The following ABCG8 variants were observed in gnomAD, a reference collection of about 807,000 sequenced individuals.
ABCG8 encodes ATP binding cassette subfamily G member 8.
ABCG8 carries 81 observed loss-of-function variants against 71.3 expected under a neutral mutation model. That is an observed-to-expected ratio of 1.14 (90% confidence interval 0.95 to 1.37). The LOEUF (loss-of-function observed/expected upper bound fraction) is 1.37. Among genes scored for constraint, ABCG8 ranks in the 40% most tolerant of loss-of-function variants. The pLI is 0.00. For missense variants in ABCG8, 1,119 were observed against 866.2 expected, an observed-to-expected ratio of 1.29 and a Z score of -3.66; for synonymous variants, 451 against 354.7, an observed-to-expected ratio of 1.27 and a Z score of -3.05.
intron 6 of ABCG8, among the ~76,000 whole-genome samples, chr2:43,860,944 A>G (rs1044917932): frequency 1.3e-5 from 2 of 150,986 alleles, no homozygotes; most frequent in Non-Finnish European, 3.0e-5. Flanking sequence ...AACTCTCACT[A>G]TATATCTGGA....
chr2:43,882,512 A>G lies in ABCG8; in HGVS notation c.*4599A>G, dbSNP rs1670159300. On this transcript the variant is annotated 3_prime_UTR_variant, in exon 13 of 13. Transcript: ENST00000272286. Reference sequence around the variant, plus strand: ...TGTTGGTTGGCCTTTGCTTGTTTGCAAAATATATCCAATGCTCACACCTGA... The same window carrying G: ...TGTTGGTTGGCCTTTGCTTGTTTGCGAAATATATCCAATGCTCACACCTGA... 3 of 152,378 alleles carry G rather than the reference A, an allele frequency of 2.0e-5. No homozygotes were observed. Among genetic ancestry groups the G allele is most frequent in the African/African-American group, 7.2e-5 (3 of 41,588 alleles). 9.4% of individuals were successfully genotyped at this position (152,378 alleles called of 1,614,324 possible). A position where few individuals can be genotyped will look rare whatever the true frequency, so the allele number is the denominator to read the frequency against.
At chr2:43,845,238 T>G (rs1349465110) in intron 2 of ABCG8, among the ~76,000 whole-genome samples, 1 of 151,966 alleles carries the variant, frequency 6.6e-6, no homozygotes, top group East Asian at 1.9e-4. Flanking sequence ...AGGATCCATA[T>G]TCCCACAGCT....
At chr2:43,873,614 C>G (rs1669854062) in intron 8 of ABCG8, among the ~76,000 whole-genome samples, 173 bp from the exon 9 acceptor site, 1 of 152,170 alleles carries the variant, frequency 6.6e-6, no homozygotes, top group Admixed American at 6.5e-5. Context: ...TACTGTGGGA[C>G]AGATGCTGTC....
At position 43,856,873 on chromosome 2, in the gene ABCG8, T is replaced by C. The variant is rs142454479; in HGVS notation, c.964+4005T>C. On this transcript the variant is annotated intron_variant, in intron 6 of 12. Coordinates refer to ENST00000272286, the MANE Select transcript of ABCG8 (RefSeq NM_022437.3). The stretch of plus-strand genomic sequence containing the variant: ...AATTCTCACTCTCTGGATAAAACTC[T>C]CACTATCTGTCTGGTAGAATTCTCA... Among the ~76,000 whole-genome samples the C allele has an allele frequency of 5.6e-3, 849 of 151,658 alleles. 8 individuals are homozygous for C. Among genetic ancestry groups the C allele is most frequent in the African/African-American group, 0.019 (797 of 41,370 alleles).
At chr2:43,857,390 ACTAT>A (rs1185416156) in intron 6 of ABCG8, among the ~76,000 whole-genome samples, 1 of 151,450 alleles carries the variant, frequency 6.6e-6, no homozygotes, top group Non-Finnish European at 1.5e-5. Flanking sequence ...TAGAACTCTC[ACTAT>A]CTATCTGGAT....
At position 43,851,805 on chromosome 2, in the gene ABCG8, GC is replaced by G. The variant is rs387906323; in HGVS notation, c.547del (p.Gln183SerfsTer9). Reference protein sequence around the residue: ...QMRLPRTFSQAQRDKRVEDVI... With the variant: ...QMRLPRTFSQXQRDKRVEDVI... ...GCGGCTGCCCAGAACCTTCTCCCAG[GC>G]CCAGCGTGACAAAAGGGTAACTAAC... is the stretch of plus-strand genomic sequence containing the variant. On this transcript the variant is annotated frameshift_variant, in exon 4 of 13. Transcript: ENST00000272286. LOFTEE classifies it high-confidence loss of function. 1.4e-5 allele frequency: 22 copies of G among 1,614,056 alleles called. No homozygotes were observed. In the Admixed American group the frequency reaches 3.7e-4, roughly 27 times the overall value.
chr2:43,872,447 G>T (rs112886774), intron 8 of ABCG8, 141 bp downstream of exon 8: 2 of 998,628 alleles, frequency 2.0e-6, no homozygotes, highest in African/African-American at 1.6e-5. Context: ...CCAGCAGGGC[G>T]TTGGTGGCTT....
Position 43,877,816 on chromosome 2 carries a change from C to A in ABCG8, c.1925C>A (p.Ala642Asp). Residue 642 changes from alanine (A) to aspartate (D), a missense_variant, in exon 13 of 13, where the codon GCC (alanine) becomes GAC (aspartate). By Grantham distance (126) the Ala-to-Asp change is moderately radical (BLOSUM62 -2). Coordinates refer to ENST00000272286, the MANE Select transcript of ABCG8 (RefSeq NM_022437.3). ...VMELDSYPLY[A>D]IYLIVIGLSG... ...GAGCTGGACTCGTACCCTCTCTACG[C>A]CATCTACCTCATCGTCATTGGCCTC... The A allele has an allele frequency of 6.2e-7, 1 of 1,614,190 alleles. No individual in the cohort carries two copies. The highest frequency in any genetic ancestry group is 8.5e-7 in the Non-Finnish European group (1 of 1,180,042).
chr2:43,839,247 G>A, intron 1 of ABCG8, 131 bp downstream of exon 1: 1 of 1,027,882 alleles, frequency 9.7e-7, no homozygotes, highest in Non-Finnish European at 1.5e-6. Context: ...CATGGCCGCA[G>A]GACTGTTTCC....
In ABCG8 at chr2:43,879,075, G is replaced by T. The variant is rs1670050943; in HGVS notation, c.*1162G>T. 6.6e-6 allele frequency: 1 copy of T among 152,202 alleles called. No homozygotes were observed. The highest frequency in any genetic ancestry group is 1.5e-5 in the Non-Finnish European group (1 of 68,058). The allele number at this position is 152,202 out of a possible 1,614,324, so 9.4% of individuals were successfully genotyped here. A position where few individuals can be genotyped will look rare whatever the true frequency, so the allele number is the denominator to read the frequency against. On this transcript the variant is annotated 3_prime_UTR_variant, in exon 13 of 13. Transcript: ENST00000272286. ...ACCTCTTTTCTTTATAAATTACCCAGTCTTGGGTATTTCTTCATAGCAGTG... is the reference window on the plus strand; with the variant it reads ...ACCTCTTTTCTTTATAAATTACCCATTCTTGGGTATTTCTTCATAGCAGTG...
chr2:43,855,964 C>T (rs778482386), intron 6 of ABCG8, among the ~76,000 whole-genome samples: 1 of 151,342 alleles, frequency 6.6e-6, no homozygotes, highest in Non-Finnish European at 1.5e-5. Flanking sequence ...ATAGAACTCT[C>T]ACTATCTATC....
At chr2:43,853,986 G>A (rs1283335572) in intron 6 of ABCG8, among the ~76,000 whole-genome samples, 2 of 152,156 alleles carry the variant, frequency 1.3e-5, no homozygotes, top group African/African-American at 2.4e-5. Context: ...GCTTCCTGAC[G>A]GTGTGTCATC....
rs751952434 is a variant in ABCG8 at position 43,874,429 on chromosome 2, T to A, written c.1434T>A (p.Leu478=). 6.2e-7 allele frequency: 1 copy of A among 1,613,658 alleles called. No individual in the cohort carries two copies. Among genetic ancestry groups the A allele is most frequent in the East Asian group, 2.2e-5 (1 of 44,878 alleles). Residue 478 remains leucine, a synonymous_variant, in exon 10 of 13, where the codon CTT becomes CTA. Coordinates refer to ENST00000272286, the MANE Select transcript of ABCG8 (RefSeq NM_022437.3). ...ISKCYSERAM[L]YYELEDGLYT... The stretch of plus-strand genomic sequence containing the variant: ...TAGGTTACTCAGAGAGGGCAATGCT[T>A]TACTATGAACTGGAAGACGGGCTGT...
At chr2:43,842,421 G>T (rs1668609017) in intron 1 of ABCG8, among the ~76,000 whole-genome samples, 1 of 152,158 alleles carries the variant, frequency 6.6e-6, no homozygotes, top group Admixed American at 6.5e-5. Context: ...AGGCCGAAGG[G>T]CTGATCTGCC....
intron 6 of ABCG8, among the ~76,000 whole-genome samples, chr2:43,871,214 A>G (rs1401179763): frequency 6.6e-6 from 1 of 151,210 alleles, no homozygotes; most frequent in African/African-American, 2.4e-5. Context: ...CTATCTGGAT[A>G]GAATTCTCAC....
chr2:43,875,892 C>A (rs561822724), intron 11 of ABCG8, among the ~76,000 whole-genome samples: 3 of 152,098 alleles, frequency 2.0e-5, no homozygotes, highest in Non-Finnish European at 2.9e-5. Context: ...TCAATCCCTG[C>A]GGCCTCCCCA....
At chr2:43,871,305 TCTCTGGATAGAACTCTC>T (rs1669761794) in intron 6 of ABCG8, among the ~76,000 whole-genome samples, 10 of 139,996 alleles carry the variant, frequency 7.1e-5, no homozygotes, top group Admixed American at 1.4e-4. Flanking sequence ...GAATTCTCAC[TCTCTGGATAGAACTCTC>T]ACTCTCTGGA....
At chr2:43,844,149 A>G (rs971531700) in intron 1 of ABCG8, among the ~76,000 whole-genome samples, 3 of 152,130 alleles carry the variant, frequency 2.0e-5, no homozygotes, top group African/African-American at 7.2e-5. Flanking sequence ...CACTCCAGTC[A>G]GGTCTTCTCA....
In ABCG8 at chr2:43,851,915, C is replaced by T. The variant is rs1449032034; in HGVS notation, c.561+93C>T. ...CCTGCTGCCTTGCCTCAGGACCCAG[C>T]CGCAGGTCGAGTTTGAACAACTCAG... On this transcript the variant is annotated intron_variant, in intron 4 of 12. Coordinates refer to ENST00000272286, the MANE Select transcript of ABCG8 (RefSeq NM_022437.3). 2.1e-6 allele frequency: 3 copies of T among 1,416,076 alleles called. No individual in the cohort carries two copies. In the Admixed American group the frequency reaches 5.0e-5, roughly 24 times the overall value. 87.7% of individuals were successfully genotyped at this position (1,416,076 alleles called of 1,614,324 possible).
Sources: allele counts gnomAD v4.1 joint callset (sites outside exome capture counted in the v4.1 genomes callset), GRCh38; gene constraint gnomAD v4.1.1; transcripts MANE v1.5; gene names NCBI Gene and HGNC (gene_info 2026-07-23, HGNC 2026-07-21).